Variants in AGPAT3 observed in about 807,000 individuals in gnomAD.
AGPAT3 encodes 1-acyl-sn-glycerol-3-phosphate acyltransferase gamma.
In AGPAT3, 5 loss-of-function variants were observed where a neutral mutation model predicts 47.3. The ratio of observed to expected loss-of-function variants is 0.11; its 90% CI spans 0.06 to 0.22. The LOEUF (loss-of-function observed/expected upper bound fraction) is 0.22, where lower values mean the gene tolerates loss of function less well. AGPAT3 is among the 10% of genes least tolerant of loss of function. The probability of loss-of-function intolerance (pLI) is 1.00; values close to 1 mark genes in which losing one functional copy is unlikely to be tolerated. For synonymous variants in AGPAT3, 212 were observed against 208.3 expected (o/e 1.02, Z -0.15); for missense variants, 315 against 493.0 (o/e 0.64, Z 3.42).
chr21:43,936,125 A>G (rs1433001145), intron 2 of AGPAT3, among the ~76,000 whole-genome samples: 1 of 152,172 alleles, frequency 6.6e-6, no homozygotes. Context: ...GCTCACTTCA[A>G]AGAGGGGGAG....
chr21:43,968,239 G>A (rs2089233653), intron 4 of AGPAT3, 124 bp downstream of exon 4: 6 of 1,110,826 alleles, frequency 5.4e-6, no homozygotes, highest in Non-Finnish European at 7.5e-6. Flanking sequence ...GGGTGGGGTG[G>A]TGACTGGGAG....
chr21:43,875,912 C>T (rs527920251), intron 1 of AGPAT3, among the ~76,000 whole-genome samples: 96 of 152,184 alleles, frequency 6.3e-4, no homozygotes, highest in Admixed American at 9.8e-4. Context: ...CCAGCCTCTG[C>T]GCTATTAATA....
intron 1 of AGPAT3, among the ~76,000 whole-genome samples, chr21:43,890,273 C>T (rs979599500): frequency 2.6e-5 from 4 of 152,138 alleles, no homozygotes; most frequent in East Asian, 3.8e-4. Context: ...TGTGAGACCG[C>T]GCGTCTGCTT....
At chr21:43,886,590 A>G (rs565119750) in intron 1 of AGPAT3, among the ~76,000 whole-genome samples, 1 of 152,236 alleles carries the variant, frequency 6.6e-6, no homozygotes, top group East Asian at 1.9e-4. Flanking sequence ...ACTAATTTTT[A>G]TACCCATTAA....
At chr21:43,902,717 G>A (rs1309498032) in intron 1 of AGPAT3, among the ~76,000 whole-genome samples, 1 of 152,226 alleles carries the variant, frequency 6.6e-6, no homozygotes, top group African/African-American at 2.4e-5. Context: ...TATGAATTTG[G>A]ACCAGGCATG....
chr21:43,887,732 G>A (rs748166868), intron 1 of AGPAT3, among the ~76,000 whole-genome samples: 3 of 152,192 alleles, frequency 2.0e-5, no homozygotes, highest in African/African-American at 7.2e-5. Context: ...TTAGCTCACC[G>A]CAACCTCCAC....
At chr21:43,873,982 C>G (rs1041281508) in intron 1 of AGPAT3, among the ~76,000 whole-genome samples, 10 of 152,100 alleles carry the variant, frequency 6.6e-5, no homozygotes, top group Non-Finnish European at 1.3e-4. Flanking sequence ...GAAACATTTT[C>G]TTTTCTATTT....
chr21:43,939,336 C>T lies in AGPAT3; in HGVS notation c.-48-20298C>T, dbSNP rs957843401. Among the ~76,000 whole-genome samples, 9 of 152,184 alleles carry T rather than the reference C, an allele frequency of 5.9e-5. No individual in the cohort carries two copies. The highest frequency in any genetic ancestry group is 2.2e-4 in the African/African-American group (9 of 41,426). ...CCCCGTCGCTGTTGTTGTCGGGGGC[C>T]TCCCGCGCCCCAGGAGGTTTCCCAG... On this transcript the variant is annotated intron_variant, in intron 2 of 9. Coordinates refer to ENST00000291572, the MANE Select transcript of AGPAT3 (RefSeq NM_020132.5). This position sits in a 1 kb window ranked among gnomAD's most constrained non-coding sequence, Gnocchi z 4.4.
At chr21:43,956,121 G>T (rs1046566720) in intron 2 of AGPAT3, among the ~76,000 whole-genome samples, 2 of 152,140 alleles carry the variant, frequency 1.3e-5, no homozygotes, top group Admixed American at 6.5e-5. Context: ...TGTGCCAGGT[G>T]GGGGCCAGGT....
chr21:43,944,327 A>G (rs1448017657), intron 2 of AGPAT3, among the ~76,000 whole-genome samples: 1 of 152,214 alleles, frequency 6.6e-6, no homozygotes, highest in African/African-American at 2.4e-5. Flanking sequence ...CAGGGGCCAC[A>G]CGTCCCTCCC....
At position 43,955,154 on chromosome 21, in the gene AGPAT3, G is replaced by A. The variant is rs1474851634; in HGVS notation, c.-48-4480G>A. 2.3e-6 allele frequency: 3 copies of A among 1,277,744 alleles called. No homozygotes were observed. The highest frequency in any genetic ancestry group is 2.4e-5 in the Admixed American group (1 of 42,530). The allele number at this position is 1,277,744 out of a possible 1,614,324, so 79.2% of individuals were successfully genotyped here. On this transcript the variant is annotated intron_variant, in intron 2 of 9. Transcript: ENST00000291572. The surrounding 1 kb of genome is among the most constrained non-coding windows in gnomAD (Gnocchi z 4.1). Reference sequence around the variant, plus strand: ...CTCAGCAGCCACGGATGCGCCCTGGGTGCTGTCCCGGGGCCGTCTCAGAAG... The same window carrying A: ...CTCAGCAGCCACGGATGCGCCCTGGATGCTGTCCCGGGGCCGTCTCAGAAG...
intron 1 of AGPAT3, among the ~76,000 whole-genome samples, chr21:43,885,467 C>A (rs2085955185): frequency 6.6e-6 from 1 of 150,778 alleles, no homozygotes; most frequent in Non-Finnish European, 1.5e-5. Flanking sequence ...CAGCTCACTG[C>A]AACCTCCACC....
intron 1 of AGPAT3, among the ~76,000 whole-genome samples, chr21:43,879,169 G>A (rs1279386077): frequency 1.3e-5 from 2 of 151,938 alleles, no homozygotes; most frequent in Non-Finnish European, 2.9e-5. Flanking sequence ...GACCAACATA[G>A]CAAAACCCTG....
chr21:43,914,895 A>G (rs2086695396), intron 2 of AGPAT3, among the ~76,000 whole-genome samples: 1 of 152,204 alleles, frequency 6.6e-6, no homozygotes, highest in Non-Finnish European at 1.5e-5. Flanking sequence ...ATAAAATTCT[A>G]TAAAGATAGT....
At chr21:43,950,836 G>A (rs2088158083) in intron 2 of AGPAT3, 1 of 152,300 alleles carries the variant, frequency 6.6e-6, no homozygotes, top group Admixed American at 6.5e-5. Flanking sequence ...TTTAAAGCGG[G>A]AGGAAGGAGG....
intron 2 of AGPAT3, among the ~76,000 whole-genome samples, chr21:43,941,008 C>T (rs980942918): frequency 1.3e-5 from 2 of 152,232 alleles, no homozygotes; most frequent in Non-Finnish European, 2.9e-5. Flanking sequence ...CTGATGCCGC[C>T]TGCTGTTTCT....
chr21:43,948,911 G>C (rs952375569), intron 2 of AGPAT3, among the ~76,000 whole-genome samples: 1 of 152,200 alleles, frequency 6.6e-6, no homozygotes, highest in Non-Finnish European at 1.5e-5. Context: ...CAGGTGCTGA[G>C]GTGCCCCAGA....
At chr21:43,917,954 TA>T in intron 2 of AGPAT3, among the ~76,000 whole-genome samples, 1 of 49,664 alleles carries the variant, frequency 2.0e-5, no homozygotes, top group East Asian at 7.7e-4. Flanking sequence ...GTGGGGGTTG[TA>T]GGGGGTGTGG....
In AGPAT3 at chr21:43,984,341, A is replaced by G. The variant is rs1242187476; in HGVS notation, c.*1949A>G. On this transcript the variant is annotated 3_prime_UTR_variant, in exon 10 of 10. Coordinates refer to ENST00000291572, the MANE Select transcript of AGPAT3 (RefSeq NM_020132.5). ...TCCGTCTCCATGTGTGTTTAGATCC[A>G]TGCCATTCACTGACTCACTAACACC... 1 of 152,358 alleles carries G rather than the reference A, an allele frequency of 6.6e-6. No individual in the cohort carries two copies. The highest frequency in any genetic ancestry group is 1.5e-5 in the Non-Finnish European group (1 of 68,116). The allele number at this position is 152,358 out of a possible 1,614,324, so 9.4% of individuals were successfully genotyped here. A position where few individuals can be genotyped will look rare whatever the true frequency, so the allele number is the denominator to read the frequency against.
Sources: gnomAD v4.1 joint callset for allele counts (sites outside exome capture counted in the v4.1 genomes callset) on GRCh38, gnomAD v4.1.1 for gene constraint, Gnocchi (gnomAD v3.1) non-coding constraint, MANE v1.5 for transcripts, NCBI Gene and HGNC (gene_info 2026-07-23, HGNC 2026-07-21) for gene names.